Variants in CADPS observed in about 807,000 individuals in gnomAD.
CADPS encodes calcium dependent secretion activator, also known as calcium-dependent secretion activator 1.
A neutral mutation model predicts 167.3 loss-of-function variants in CADPS; 57 were observed. The observed-to-expected ratio is 0.34, with a 90% CI of 0.28 to 0.42. CADPS has a LOEUF of 0.42. Among genes scored for constraint, CADPS ranks in the 20% least tolerant of loss-of-function variants. The pLI is 1.00. For synonymous variants in CADPS, 676 were observed against 635.3 expected, an observed-to-expected ratio of 1.06 and a Z score of -0.96; for missense variants, 1,414 against 1,738.1, an observed-to-expected ratio of 0.81 and a Z score of 3.32.
chr3:62,801,909 A>G (rs868464571), intron 1 of CADPS, among the ~76,000 whole-genome samples: 2 of 152,060 alleles, frequency 1.3e-5, no homozygotes, highest in African/African-American at 4.8e-5. Flanking sequence ...CTGAATCTTA[A>G]TTTTTTTCTT....
chr3:62,654,722 C>G (rs1351278213), intron 4 of CADPS, among the ~76,000 whole-genome samples: 2 of 152,108 alleles, frequency 1.3e-5, no homozygotes, highest in Non-Finnish European at 2.9e-5. Flanking sequence ...TATCTTGCCT[C>G]CTCATACTGG....
At chr3:62,640,647 A>G (rs1394157199) in intron 6 of CADPS, among the ~76,000 whole-genome samples, 1 of 152,184 alleles carries the variant, frequency 6.6e-6, no homozygotes, top group Non-Finnish European at 1.5e-5. Context: ...AATGAAATTC[A>G]TATGTCACGA....
chr3:62,818,799 G>C (rs1280734491), intron 1 of CADPS, among the ~76,000 whole-genome samples: 1 of 151,194 alleles, frequency 6.6e-6, no homozygotes, highest in East Asian at 1.9e-4. Context: ...AAGGAGAATA[G>C]ATACGTAAAT....
intron 1 of CADPS, among the ~76,000 whole-genome samples, chr3:62,816,500 G>T (rs2094620608): frequency 6.6e-6 from 1 of 152,024 alleles, no homozygotes; most frequent in South Asian, 2.1e-4. Context: ...TCAATGTGCA[G>T]CTTAGGACAG....
At chr3:62,501,047 T>C (rs1442759514) in intron 17 of CADPS, among the ~76,000 whole-genome samples, 1 of 152,140 alleles carries the variant, frequency 6.6e-6, no homozygotes, top group Non-Finnish European at 1.5e-5. Flanking sequence ...TGGATTCAAG[T>C]CAATGGAAAG....
At position 62,621,159 on chromosome 3, in the gene CADPS, C is replaced by T. The variant is rs566614649; in HGVS notation, c.1325+24563G>A. 9.2e-5 allele frequency among the ~76,000 whole-genome samples: 14 copies of T among 152,250 alleles called. No homozygotes were observed. The East Asian group carries it at 2.1e-3, about 23-fold the overall frequency. On this transcript the variant is annotated intron_variant, in intron 6 of 29. Transcript: ENST00000383710. ...GACAAATCTCTGGATATGGGGGCAC[C>T]GCAGATTGCTCTGTGAAGTGAACTT... is the stretch of plus-strand genomic sequence containing the variant.
At chr3:62,779,235 C>G (rs558884619) in intron 1 of CADPS, 1 of 317,390 alleles carries the variant, frequency 3.2e-6, no homozygotes, top group East Asian at 8.2e-5. Context: ...TTTGACCCTT[C>G]TGAGCTTCCA....
chr3:62,594,203 C>G (rs1244009929), intron 6 of CADPS, among the ~76,000 whole-genome samples: 1 of 148,610 alleles, frequency 6.7e-6, no homozygotes, highest in Non-Finnish European at 1.5e-5. Context: ...GCTCTGTCGC[C>G]CAGGCTGGAG....
At chr3:62,776,097 C>A (rs1469498248) in intron 1 of CADPS, among the ~76,000 whole-genome samples, 2 of 152,156 alleles carry the variant, frequency 1.3e-5, no homozygotes, top group Non-Finnish European at 2.9e-5. Context: ...TTGCAGACTT[C>A]CAGGGTCATG....
intron 7 of CADPS, among the ~76,000 whole-genome samples, chr3:62,588,297 CTT>C (rs34533495): frequency 2.1e-5 from 3 of 139,828 alleles, no homozygotes; most frequent in Non-Finnish European, 3.0e-5. Flanking sequence ...CCAGGTCTTT[CTT>C]TTTTTTTTTT....
intron 23 of CADPS, among the ~76,000 whole-genome samples, chr3:62,474,983 A>G (rs990282093): frequency 2.6e-5 from 4 of 152,170 alleles, no homozygotes; most frequent in African/African-American, 4.8e-5. Flanking sequence ...GACTTCCACT[A>G]TGTTTTGTTT....
At chr3:62,406,170 G>A (rs564106496) in intron 28 of CADPS, among the ~76,000 whole-genome samples, 6 of 152,168 alleles carry the variant, frequency 3.9e-5, no homozygotes, top group Admixed American at 3.9e-4. Flanking sequence ...CCGAATCCGC[G>A]TTCAGGGATA....
intron 1 of CADPS, among the ~76,000 whole-genome samples, chr3:62,841,438 G>C (rs901502903): frequency 5.9e-5 from 9 of 152,182 alleles, no homozygotes; most frequent in African/African-American, 2.2e-4. Context: ...TATTAAAGCT[G>C]GGCATGATGG....
chr3:62,639,661 T>A (rs1374694936), intron 6 of CADPS, among the ~76,000 whole-genome samples: 1 of 152,212 alleles, frequency 6.6e-6, no homozygotes, highest in Non-Finnish European at 1.5e-5. Context: ...TATTTCAGGT[T>A]TCAAGATGGA....
At chr3:62,512,703 G>A (rs1376917) in intron 17 of CADPS, 48 bp downstream of exon 17, 1,358,372 of 1,498,486 alleles carry the variant, frequency 0.91, 618,595 homozygotes, top group Middle Eastern at 0.95. Context: ...AAAACTGAAT[G>A]TAACTCAACA....
At chr3:62,629,810 C>G (rs753443480) in intron 6 of CADPS, among the ~76,000 whole-genome samples, 1 of 151,578 alleles carries the variant, frequency 6.6e-6, no homozygotes, top group East Asian at 1.9e-4. Context: ...ATATTACAAG[C>G]TTTTTCCCAT....
chr3:62,780,089 T>C (rs2091268901), intron 1 of CADPS, among the ~76,000 whole-genome samples: 1 of 151,990 alleles, frequency 6.6e-6, no homozygotes, highest in Admixed American at 6.6e-5. Context: ...TCCAGGCTGG[T>C]CTCAAACTCC....
chr3:62,525,876 G>A (rs1191953598), intron 13 of CADPS, among the ~76,000 whole-genome samples: 1 of 152,140 alleles, frequency 6.6e-6, no homozygotes. Context: ...CAACATTGGA[G>A]GCAAGGGCAC....
intron 26 of CADPS, among the ~76,000 whole-genome samples, chr3:62,456,706 C>T (rs2058720048): frequency 6.6e-6 from 1 of 150,634 alleles, no homozygotes; most frequent in South Asian, 2.1e-4. Context: ...CAGTGGTATG[C>T]TGGTTTCTGA....
Sources: gnomAD v4.1 joint callset for allele counts (sites outside exome capture counted in the v4.1 genomes callset) on GRCh38, gnomAD v4.1.1 for gene constraint, MANE v1.5 for transcripts, NCBI Gene and HGNC (gene_info 2026-07-23, HGNC 2026-07-21) for gene names.